Variants in WAC observed in about 807,000 individuals in gnomAD.
The protein encoded by WAC is WW domain-containing adapter protein with coiled-coil.
In WAC, 11 loss-of-function variants were observed where a neutral mutation model predicts 79.6. That is an observed-to-expected ratio of 0.14 (90% CI 0.09 to 0.23). The LOEUF is 0.23. Among genes scored for constraint, WAC ranks in the 10% least tolerant of loss-of-function variants. The pLI is 1.00. For missense variants in WAC, 728 were observed against 773.5 expected, an observed-to-expected ratio of 0.94 and a Z score of 0.70; for synonymous variants, 304 against 276.9, an observed-to-expected ratio of 1.10 and a Z score of -0.97.
At chr10:28,574,164 T>C (rs1436433918) in intron 3 of WAC, among the ~76,000 whole-genome samples, 1 of 152,140 alleles carries the variant, frequency 6.6e-6, no homozygotes, top group Non-Finnish European at 1.5e-5. Flanking sequence ...TTTGTTTTGT[T>C]TTGTTTTTGT....
chr10:28,617,563 A>G, intron 12 of WAC, 94 bp from the exon 13 acceptor site: 1 of 1,163,476 alleles, frequency 8.6e-7, no homozygotes, highest in Non-Finnish European at 1.1e-6. Context: ...ATTATTCTCT[A>G]ATCCTAGTAT....
At chr10:28,534,716 A>C (rs1836527404) in intron 2 of WAC, among the ~76,000 whole-genome samples, 1 of 152,236 alleles carries the variant, frequency 6.6e-6, no homozygotes, top group Non-Finnish European at 1.5e-5. Flanking sequence ...ATGATTGTTA[A>C]CCATCAGATG....
At chr10:28,615,785 T>G (rs771517500) in intron 11 of WAC, 4 of 160,650 alleles carry the variant, frequency 2.5e-5, no homozygotes, top group African/African-American at 9.6e-5. Context: ...AGTTCTGACG[T>G]TGAACAAAGG....
chr10:28,591,696 C>T (rs1233240510), intron 6 of WAC: 1 of 151,990 alleles, frequency 6.6e-6, no homozygotes, highest in Non-Finnish European at 1.5e-5. Flanking sequence ...ACCCAGTGTC[C>T]ACAGAATTAA....
At chr10:28,592,866 CTTTTA>C (rs1239165287) in intron 6 of WAC, among the ~76,000 whole-genome samples, 2 of 151,948 alleles carry the variant, frequency 1.3e-5, no homozygotes, top group Non-Finnish European at 2.9e-5. Flanking sequence ...TTTACCTGTT[CTTTTA>C]TTCAGCAATG....
At chr10:28,590,211 C>T (rs189973943) in intron 5 of WAC, among the ~76,000 whole-genome samples, 1 of 149,778 alleles carries the variant, frequency 6.7e-6, no homozygotes, top group East Asian at 2.0e-4. Context: ...TACTAAGAGG[C>T]TGAGGTGGGA....
At chr10:28,596,996 A>G (rs547205930) in intron 7 of WAC, among the ~76,000 whole-genome samples, 1 of 152,276 alleles carries the variant, frequency 6.6e-6, no homozygotes, top group African/African-American at 2.4e-5. Flanking sequence ...ATAGAGACTA[A>G]TATTTATAGT....
chr10:28,553,965 T>C (rs1183111766), intron 3 of WAC, among the ~76,000 whole-genome samples: 1 of 152,112 alleles, frequency 6.6e-6, no homozygotes, highest in African/African-American at 2.4e-5. Flanking sequence ...ACCTCCCAGG[T>C]TCAGGTGATT....
chr10:28,609,867 ATAGT>A (rs1478842179), intron 8 of WAC, among the ~76,000 whole-genome samples: 1 of 152,148 alleles, frequency 6.6e-6, no homozygotes, highest in Non-Finnish European at 1.5e-5. Context: ...TGAAGAAATA[ATAGT>A]TAATGTCAAT....
At chr10:28,555,048 AC>A (rs1296465723) in intron 3 of WAC, among the ~76,000 whole-genome samples, 1 of 152,158 alleles carries the variant, frequency 6.6e-6, no homozygotes, top group Non-Finnish European at 1.5e-5. Flanking sequence ...CCCCTCCCAA[AC>A]CTGCTTTTCT....
intron 3 of WAC, among the ~76,000 whole-genome samples, chr10:28,560,083 T>A (rs1482369196): frequency 2.6e-5 from 4 of 152,208 alleles, no homozygotes; most frequent in African/African-American, 4.8e-5. Context: ...GGCTCATGCT[T>A]GTAATCCCAG....
At chr10:28,535,353 G>T in intron 2 of WAC, 17 of 363,864 alleles carry the variant, frequency 4.7e-5, no homozygotes, top group Admixed American at 9.5e-5. Context: ...TGTGTTTAGT[G>T]TGATTTGTTA....
rs1467955897 is a variant in WAC at position 28,533,942 on chromosome 10, C to T, written c.42-56C>T. The stretch of plus-strand genomic sequence containing the variant: ...GGCGGGGGCCCCGTTTTCTTCCTCC[C>T]CGGCCCCCCACCCGCGCCGTGTCTT... On this transcript the variant is annotated intron_variant, in intron 1 of 13. Coordinates refer to ENST00000354911, the MANE Select transcript of WAC (RefSeq NM_016628.5). 6.9e-6 allele frequency: 11 copies of T among 1,597,290 alleles called. No individual in the cohort carries two copies. In the African/African-American group the frequency reaches 1.1e-4, roughly 16 times the overall value.
intron 12 of WAC, 139 bp from the exon 13 acceptor site, chr10:28,617,518 G>A (rs531942946): frequency 3.3e-4 from 236 of 722,428 alleles, no homozygotes; most frequent in South Asian, 3.3e-3. Context: ...TCCCCATTAG[G>A]TTCACCAGCA....
chr10:28,573,947 T>C (rs943046143), intron 3 of WAC, among the ~76,000 whole-genome samples: 1 of 151,822 alleles, frequency 6.6e-6, no homozygotes, highest in African/African-American at 2.4e-5. Context: ...TTTGAATAAA[T>C]GGGCTCATAC....
chr10:28,565,440 A>G (rs1838549155), intron 3 of WAC, among the ~76,000 whole-genome samples: 1 of 152,118 alleles, frequency 6.6e-6, no homozygotes, highest in South Asian at 2.1e-4. Flanking sequence ...TGGCTCAATC[A>G]TAGCTCACTG....
chr10:28,596,057 T>C lies in WAC; in HGVS notation c.919+16T>C. On this transcript the variant is annotated intron_variant, in intron 7 of 13. Transcript: ENST00000354911. ...GAAAGAAAAGGTATGCCATTATTAC[T>C]AGATGCTGCACGTTGAACTATAGTT... 1 of 1,609,588 alleles carries C rather than the reference T, an allele frequency of 6.2e-7. No homozygotes were observed. The highest frequency in any genetic ancestry group is 1.1e-5 in the South Asian group (1 of 90,680).
At chr10:28,545,632 T>C (rs1196981158) in intron 3 of WAC, among the ~76,000 whole-genome samples, 1 of 152,190 alleles carries the variant, frequency 6.6e-6, no homozygotes, top group Admixed American at 6.5e-5. Context: ...GTCTGATTAT[T>C]AGAGTGGTTA....
chr10:28,585,980 C>G (rs1839801136), intron 4 of WAC, among the ~76,000 whole-genome samples: 1 of 152,124 alleles, frequency 6.6e-6, no homozygotes, highest in African/African-American at 2.4e-5. Flanking sequence ...AGTTGAAGAC[C>G]ATTACTAGAA....
Sources: allele counts gnomAD v4.1 joint callset (sites outside exome capture counted in the v4.1 genomes callset), GRCh38; gene constraint gnomAD v4.1.1; transcripts MANE v1.5; gene names NCBI Gene and HGNC (gene_info 2026-07-23, HGNC 2026-07-21).